Variants in CRIP3 observed in about 807,000 individuals in gnomAD.
CRIP3 encodes cysteine-rich protein 3.
CRIP3 carries 23 observed loss-of-function variants against 30.3 expected under a neutral mutation model. The ratio of observed to expected loss-of-function variants is 0.76; its 90% CI spans 0.55 to 1.08. The LOEUF is 1.08. Ranked by LOEUF, CRIP3 falls within the 50% of genes least tolerant of loss-of-function variation. The pLI, the probability that CRIP3 is intolerant of heterozygous loss-of-function variation, is 0.00. For missense variants in CRIP3, 261 were observed against 259.3 expected (o/e 1.01, Z -0.04); for synonymous variants, 89 against 97.6 (o/e 0.91, Z 0.52).
intron 7 of CRIP3, 90 bp from the exon 8 acceptor site, chr6:43,305,965 C>T (rs1174771749): frequency 1.9e-6 from 3 of 1,610,126 alleles, no homozygotes; most frequent in Non-Finnish European, 2.5e-6. Context: ...CCAGGGTATG[C>T]TTAACCACAG....
In CRIP3 at chr6:43,307,875, G is replaced by A; in HGVS notation, c.160C>T (p.His54Tyr). Residue 54 changes from histidine (H) to tyrosine (Y), a missense_variant, in exon 3 of 8, where the codon CAC becomes TAC. His to Tyr is a moderately conservative substitution (Grantham distance 83). Coordinates refer to ENST00000372569, the MANE Select transcript of CRIP3 (RefSeq NM_206922.3). ...AAGAGAGCCCCATAGCATGGCTTGTGGCAGTATGGCCTCCCATTGTGCTGG... is the reference window on the plus strand; with the variant it reads ...AAGAGAGCCCCATAGCATGGCTTGTAGCAGTATGGCCTCCCATTGTGCTGG... ...HAEHNGRPYC[H>Y]KPCYGALFGP... 6.2e-7 allele frequency: 1 copy of A among 1,613,854 alleles called. No homozygotes were observed. The highest frequency in any genetic ancestry group is 8.5e-7 in the Non-Finnish European group (1 of 1,180,018).
Position 43,305,670 on chromosome 6 carries a change from C to T in CRIP3, c.*144G>A. ...AATTGGCAGAGAAAGTCTAGACTCT[C>T]TGGCCTACCATGGAGCCTAGGCCCA... On this transcript the variant is annotated 3_prime_UTR_variant, in exon 8 of 8. Coordinates refer to ENST00000372569, the MANE Select transcript of CRIP3 (RefSeq NM_206922.3). 1 of 1,021,110 alleles carries T rather than the reference C, an allele frequency of 9.8e-7. No homozygotes were observed. Among genetic ancestry groups the T allele is most frequent in the Middle Eastern group, 3.0e-4 (1 of 3,308 alleles). The allele number at this position is 1,021,110 out of a possible 1,614,324, so 63.3% of individuals were successfully genotyped here. A position where few individuals can be genotyped will look rare whatever the true frequency, so the allele number is the denominator to read the frequency against.
Position 43,306,257 on chromosome 6 carries a change from G to A in CRIP3, c.457C>T (p.Arg153Cys), listed in dbSNP as rs142672835. ...CCAGCAGTCAGGGTCTTGTGGCAAC[G>A]CTGGCACCTCAGACACGGTCGGTGC... The part of the protein sequence containing the change: ...NWHRPCLRCQ[R>C]CHKTLTAGSH... Residue 153 changes from arginine to cysteine, a missense_variant, in exon 6 of 8, where the codon CGT becomes TGT. By Grantham distance (180) the Arg-to-Cys change is radical (BLOSUM62 -3). Coordinates refer to ENST00000372569, the MANE Select transcript of CRIP3 (RefSeq NM_206922.3). 1.1e-5 allele frequency: 17 copies of A among 1,614,012 alleles called. No individual in the cohort carries two copies. Among genetic ancestry groups the A allele is most frequent in the East Asian group, 8.9e-5 (4 of 44,890 alleles).
At chr6:43,307,997 C>A in intron 2 of CRIP3, 101 bp from the exon 3 acceptor site, 1 of 1,321,242 alleles carries the variant, frequency 7.6e-7, no homozygotes, top group South Asian at 1.2e-5. Context: ...TGTCCACTGG[C>A]TGAGTCTGGT....
chr6:43,308,651 G>C, intron 1 of CRIP3, 99 bp downstream of exon 1: 2 of 1,452,184 alleles, frequency 1.4e-6, no homozygotes, highest in East Asian at 2.3e-5. Context: ...AGGTGAAAAG[G>C]GTGTCTGGGA....
Position 43,305,830 on chromosome 6 carries a change from T to C in CRIP3, c.599A>G (p.Lys200Arg), listed in dbSNP as rs1252546079. The C allele has an allele frequency of 6.2e-7, 1 of 1,614,044 alleles. No individual in the cohort carries two copies. The highest frequency in any genetic ancestry group is 8.5e-7 in the Non-Finnish European group (1 of 1,180,044). ...GTGAGCGTCTCATTTGAATTTTATC[T>C]TCACTGGGTCATAGATGTAGCAGCC... ...DVGCYIYDPV[K>R]IKFK The change falls in exon 8 of 8, where the codon AAG becomes AGG. Residue 200 changes from lysine to arginine, a missense_variant. By Grantham distance (26) the Lys-to-Arg change is conservative (BLOSUM62 2). Transcript: ENST00000372569.
At position 43,306,473 on chromosome 6, in the gene CRIP3, G is replaced by A. The variant is rs754624385; in HGVS notation, c.373C>T (p.Pro125Ser). 7 of 1,613,094 alleles carry A rather than the reference G, an allele frequency of 4.3e-6. No individual in the cohort carries two copies. The highest frequency in any genetic ancestry group is 5.9e-6 in the Non-Finnish European group (7 of 1,179,536). The change falls in exon 5 of 8, where the codon CCT becomes TCT. Residue 125 changes from proline to serine, a missense_variant. Coordinates refer to ENST00000372569, the MANE Select transcript of CRIP3 (RefSeq NM_206922.3). Reference protein sequence around the residue: ...KTFTGETSLCPGCGEPVYFAE... With the variant: ...KTFTGETSLCSGCGEPVYFAE... ...AAATAGACGGGCTCCCCACAGCCAG[G>A]GCACAGCGAGGTCTCCCCAGTGAAT...
rs771453914 is a variant in CRIP3 at position 43,307,873 on chromosome 6, G to C, written c.162C>G (p.His54Gln). 1 of 1,613,902 alleles carries C rather than the reference G, an allele frequency of 6.2e-7. No individual in the cohort carries two copies. Among genetic ancestry groups the C allele is most frequent in the South Asian group, 1.1e-5 (1 of 91,086 alleles). Residue 54 changes from histidine (H) to glutamine (Q), a missense_variant, in exon 3 of 8, where the codon CAC becomes CAG. Physicochemically the swap from His to Gln is conservative, Grantham distance 24. Coordinates refer to ENST00000372569, the MANE Select transcript of CRIP3 (RefSeq NM_206922.3). ...CAAAGAGAGCCCCATAGCATGGCTT[G>C]TGGCAGTATGGCCTCCCATTGTGCT... The part of the protein sequence containing the change: ...HAEHNGRPYC[H>Q]KPCYGALFGP...
At chr6:43,308,621 C>A (rs753820250) in intron 1 of CRIP3, 129 bp downstream of exon 1, 3 of 1,177,938 alleles carry the variant, frequency 2.5e-6, no homozygotes, top group African/African-American at 3.0e-5. Flanking sequence ...GCGGGTGGTG[C>A]GGAGACTACC....
rs1345365132 is a variant in CRIP3, at chr6:43,307,867, T to C, written c.168A>G (p.Pro56=). 1 of 1,613,808 alleles carries C rather than the reference T, an allele frequency of 6.2e-7. No homozygotes were observed. The highest frequency in any genetic ancestry group is 1.3e-5 in the African/African-American group (1 of 74,924). Residue 56 remains proline (P), a synonymous_variant, in exon 3 of 8, where the codon CCA becomes CCG. Transcript: ENST00000372569. The part of the protein sequence containing the change: ...EHNGRPYCHK[P]CYGALFGPRG... ...TGGGTCCAAAGAGAGCCCCATAGCA[T>C]GGCTTGTGGCAGTATGGCCTCCCAT...
chr6:43,305,833 A>C lies in CRIP3; in HGVS notation c.596T>G (p.Val199Gly). Residue 199 changes from valine (V) to glycine (G), a missense_variant, in exon 8 of 8, where the codon GTG (valine) becomes GGG (glycine). Coordinates refer to ENST00000372569, the MANE Select transcript of CRIP3 (RefSeq NM_206922.3). ...GDVGCYIYDP[V>G]KIKFK ...AGCGTCTCATTTGAATTTTATCTTC[A>C]CTGGGTCATAGATGTAGCAGCCCAC... The C allele has an allele frequency of 6.2e-7, 1 of 1,614,062 alleles. No individual in the cohort carries two copies. Among genetic ancestry groups the C allele is most frequent in the Non-Finnish European group, 8.5e-7 (1 of 1,180,022 alleles).
chr6:43,307,352 C>G (rs1778963558), intron 4 of CRIP3: 1 of 269,826 alleles, frequency 3.7e-6, no homozygotes, highest in South Asian at 1.7e-4. Context: ...GCTGGCCAGG[C>G]TGGTCTCGAA....
Position 43,308,789 on chromosome 6 carries a change from T to C in CRIP3, c.4A>G (p.Ser2Gly). 1 of 1,613,928 alleles carries C rather than the reference T, an allele frequency of 6.2e-7. No individual in the cohort carries two copies. Among genetic ancestry groups the C allele is most frequent in the Non-Finnish European group, 8.5e-7 (1 of 1,179,998 alleles). Residue 2 changes from serine to glycine, a missense_variant, in exon 1 of 8, where the codon AGC becomes GGC. Physicochemically the swap from Ser to Gly is moderately conservative, Grantham distance 56 (BLOSUM62 0). Transcript: ENST00000372569. ...TGCTGGCAACGCGGACAGGTCCAGC[T>C]CATAGCTCCGCTCCAGGCAGCGCAC... M[S>G]WTCPRCQQPV...
rs756451115 is a variant in CRIP3, at chr6:43,306,517, C to G, written c.329G>C (p.Ser110Thr). ...AGTGAATGTCTTCATATGGGGAGGG[C>G]CTTTAAAGGGGAAGAGGCCCTGGCT... ...PRTGLPQGKK[S>T]PPHMKTFTGE... Residue 110 changes from serine to threonine, a missense_variant and splice_region_variant, in exon 5 of 8, where the codon AGC becomes ACC. Transcript: ENST00000372569. 2 of 1,602,148 alleles carry G rather than the reference C, an allele frequency of 1.2e-6. No homozygotes were observed. Among genetic ancestry groups the G allele is most frequent in the South Asian group, 2.2e-5 (2 of 89,016 alleles).
chr6:43,308,165 T>C, intron 2 of CRIP3, 150 bp downstream of exon 2: 6 of 724,502 alleles, frequency 8.3e-6, no homozygotes, highest in Middle Eastern at 4.1e-4. Context: ...CCCAAATTCC[T>C]GGCTGGTGTG....
intron 4 of CRIP3, 63 bp from the exon 5 acceptor site, chr6:43,306,580 ATAT>A: frequency 1.5e-6 from 2 of 1,319,220 alleles, no homozygotes; most frequent in Non-Finnish European, 2.1e-6. Context: ...ACCTGCCTGC[ATAT>A]GGTGCTGTCC....
In CRIP3 at chr6:43,308,777, G is replaced by GACAGGTCCAGCTC. The variant is rs747116122; in HGVS notation, c.3_15dup (p.Pro6GlufsTer15). ...AAGAAAACAGGTTGCTGGCAACGCG[G>GACAGGTCCAGCTC]ACAGGTCCAGCTCATAGCTCCGCTC... On this transcript the variant is annotated frameshift_variant, in exon 1 of 8. Transcript: ENST00000372569. LOFTEE classifies it high-confidence loss of function. 1 of 1,614,102 alleles carries GACAGGTCCAGCTC rather than the reference G, an allele frequency of 6.2e-7. No homozygotes were observed. The highest frequency in any genetic ancestry group is 8.5e-7 in the Non-Finnish European group (1 of 1,180,034).
intron 4 of CRIP3, 161 bp from the exon 5 acceptor site, chr6:43,306,678 C>A: frequency 4.9e-6 from 3 of 613,346 alleles, no homozygotes; most frequent in Non-Finnish European, 8.7e-6. Context: ...TGAGCCCCCT[C>A]TGACTCCACC....
chr6:43,305,980 A>T, intron 7 of CRIP3, 87 bp downstream of exon 7: 1 of 1,608,424 alleles, frequency 6.2e-7, no homozygotes. Flanking sequence ...CCACAGGGGA[A>T]GTTGTCCACA....
Sources: gnomAD v4.1 joint callset for allele counts on GRCh38, gnomAD v4.1.1 for gene constraint, MANE v1.5 for transcripts, NCBI Gene and HGNC (gene_info 2026-07-23, HGNC 2026-07-21) for gene names.